COL11A2: variants seen among roughly 807,000 people sequenced by gnomAD.
COL11A2 encodes the protein collagen alpha-2(XI) chain.
In COL11A2, 116 loss-of-function variants were observed where a neutral mutation model predicts 273.4. The observed-to-expected ratio is 0.42, with a 90% CI of 0.36 to 0.49. COL11A2 has a LOEUF of 0.49. Among genes scored for constraint, COL11A2 ranks in the 20% least tolerant of loss-of-function variants. The pLI is 0.00. For missense variants in COL11A2, 1,866 were observed against 2,309.0 expected, an observed-to-expected ratio of 0.81 and a Z score of 3.93; for synonymous variants, 782 against 864.2, an observed-to-expected ratio of 0.90 and a Z score of 1.67.
chr6:33,188,438 C>T lies in COL11A2; in HGVS notation c.530G>A (p.Arg177Gln), dbSNP rs1252646206. The change falls in exon 4 of 66, where the codon CGA becomes CAA. Residue 177 changes from arginine to glutamine, a missense_variant. By Grantham distance (43) the Arg-to-Gln change is conservative. Transcript: ENST00000341947. ...CKKRVTRPLP[R>Q]SARPVLDTHG... The stretch of plus-strand genomic sequence containing the variant: ...GGTGTCCAATACTGGACGAGCACTT[C>T]GGGGGAGAGGCCGGGTGACTCGCTT... 8 of 1,612,864 alleles carry T rather than the reference C, an allele frequency of 5.0e-6. No individual in the cohort carries two copies. The highest frequency in any genetic ancestry group is 2.7e-5 in the African/African-American group (2 of 74,882).
At position 33,181,131 on chromosome 6, in the gene COL11A2, C is replaced by T; in HGVS notation, c.1159G>A (p.Glu387Lys). The T allele has an allele frequency of 6.2e-7, 1 of 1,614,186 alleles. No homozygotes were observed. The highest frequency in any genetic ancestry group is 1.3e-5 in the African/African-American group (1 of 75,044). Residue 387 changes from glutamate (E) to lysine (K), a missense_variant, in exon 9 of 66, where the codon GAG becomes AAG. Transcript: ENST00000341947. ...CTTACAGGTTCCAACACTGCAGGCT[C>T]TCCTTTCTCTCCCTTCAGCCCTCGG... Reference protein sequence around the residue: ...GPRGLKGEKGEPAVLEPGMLV... With the variant: ...GPRGLKGEKGKPAVLEPGMLV...
chr6:33,188,749 T>G (rs1278571043), intron 3 of COL11A2, among the ~76,000 whole-genome samples: 1 of 152,194 alleles, frequency 6.6e-6, no homozygotes. Context: ...AAACTGAGGC[T>G]CAAAAATTTT....
At position 33,165,072 on chromosome 6, in the gene COL11A2, A is replaced by T; in HGVS notation, c.4751-108T>A. ...TCCCAGCCCTCCCCATCATGCTCTT[A>T]GTCTCCTGGTCCTCCTCCCTCCCAG... On this transcript the variant is annotated intron_variant, in intron 63 of 65. Coordinates refer to ENST00000341947, the MANE Select transcript of COL11A2 (RefSeq NM_080680.3). This position sits in a 1 kb window ranked among gnomAD's most constrained non-coding sequence, Gnocchi z 7.7. 3.6e-6 allele frequency: 3 copies of T among 823,064 alleles called. No homozygotes were observed. The South Asian group carries it at 4.7e-5, about 13-fold the overall frequency. 51.0% of individuals were successfully genotyped at this position (823,064 alleles called of 1,614,324 possible). A position where few individuals can be genotyped will look rare whatever the true frequency, so the allele number is the denominator to read the frequency against.
Position 33,169,860 on chromosome 6 carries a change from G to C in COL11A2, c.3661C>G (p.Pro1221Ala). Residue 1221 changes from proline to alanine, a missense_variant, in exon 50 of 66, where the codon CCA becomes GCA. Coordinates refer to ENST00000341947, the MANE Select transcript of COL11A2 (RefSeq NM_080680.3). The surrounding 1 kb of genome is among the most constrained non-coding windows in gnomAD (Gnocchi z 5.5). The part of the protein sequence containing the change: ...EKGEPGESGS[P>A]GIQGEPGVKG... ...ACACCTGGCTCGCCCTGGATCCCTGGAGATCCTGACTCTCCTGGTTCCCCC... is the reference window on the plus strand; with the variant it reads ...ACACCTGGCTCGCCCTGGATCCCTGCAGATCCTGACTCTCCTGGTTCCCCC... The C allele has an allele frequency of 6.2e-7, 1 of 1,614,122 alleles. No individual in the cohort carries two copies. The highest frequency in any genetic ancestry group is 8.5e-7 in the Non-Finnish European group (1 of 1,180,016).
At chr6:33,182,349 A>G (rs542075082) in intron 8 of COL11A2, among the ~76,000 whole-genome samples, 2 of 152,330 alleles carry the variant, frequency 1.3e-5, no homozygotes, top group Admixed American at 6.5e-5. Context: ...TTATGCACAG[A>G]ATTTTATTTA....
Position 33,177,488 on chromosome 6 carries a change from A to G in COL11A2, c.1918-23T>C, listed in dbSNP as rs1205709646. The G allele has an allele frequency of 6.2e-7, 1 of 1,611,742 alleles. No homozygotes were observed. The highest frequency in any genetic ancestry group is 1.3e-5 in the African/African-American group (1 of 74,896). Reference sequence around the variant, plus strand: ...TCCCTAGAAACAGGTGACCAGGCACAGGTCAGAAGGAGATGGAGATAGAAC... The same window carrying G: ...TCCCTAGAAACAGGTGACCAGGCACGGGTCAGAAGGAGATGGAGATAGAAC... On this transcript the variant is annotated intron_variant, in intron 22 of 65. Coordinates refer to ENST00000341947, the MANE Select transcript of COL11A2 (RefSeq NM_080680.3). This position sits in a 1 kb window ranked among gnomAD's most constrained non-coding sequence, Gnocchi z 5.9.
Position 33,167,464 on chromosome 6 carries a change from G to A in COL11A2, c.4084C>T (p.Pro1362Ser). 6.2e-7 allele frequency: 1 copy of A among 1,612,880 alleles called. No individual in the cohort carries two copies. The highest frequency in any genetic ancestry group is 8.5e-7 in the Non-Finnish European group (1 of 1,180,008). ...AGCCCCCTCAGACCATCAGGGCCAG[G>A]TTTCCCTGCTGGGCCTGCAGGACCC... is the stretch of plus-strand genomic sequence containing the variant. ...PVGPAGPAGK[P>S]GPDGLRGLPG... Residue 1362 changes from proline (P) to serine (S), a missense_variant, in exon 56 of 66, where the codon CCT becomes TCT. Pro to Ser is a moderately conservative substitution (Grantham distance 74, BLOSUM62 -1). Transcript: ENST00000341947. The surrounding 1 kb of genome is among the most constrained non-coding windows in gnomAD (Gnocchi z 6.1).
rs1205576751 is a variant in COL11A2, at chr6:33,179,946, T to C, written c.1360-141A>G. Reference sequence around the variant, plus strand: ...TTCCCATGGCTTCCAGATAATCACTTAGAGGATTCCAGAAACTCAACTCCT... The same window carrying C: ...TTCCCATGGCTTCCAGATAATCACTCAGAGGATTCCAGAAACTCAACTCCT... On this transcript the variant is annotated intron_variant, in intron 12 of 65. Coordinates refer to ENST00000341947, the MANE Select transcript of COL11A2 (RefSeq NM_080680.3). The surrounding 1 kb of genome is among the most constrained non-coding windows in gnomAD (Gnocchi z 6.4). 1.2e-6 allele frequency: 1 copy of C among 819,878 alleles called. No homozygotes were observed. Among genetic ancestry groups the C allele is most frequent in the Non-Finnish European group, 2.0e-6 (1 of 490,426 alleles). The allele number at this position is 819,878 out of a possible 1,614,324, so 50.8% of individuals were successfully genotyped here. A position where few individuals can be genotyped will look rare whatever the true frequency, so the allele number is the denominator to read the frequency against.
In COL11A2 at chr6:33,164,504, G is replaced by T. The variant is rs557982599; in HGVS notation, c.4864-31C>A. 2.1e-5 allele frequency: 32 copies of T among 1,495,930 alleles called. No homozygotes were observed. The highest frequency in any genetic ancestry group is 2.3e-5 in the Non-Finnish European group (26 of 1,113,660). The allele number at this position is 1,495,930 out of a possible 1,614,324, so 92.7% of individuals were successfully genotyped here. A position where few individuals can be genotyped will look rare whatever the true frequency, so the allele number is the denominator to read the frequency against. ...AGGAGAGAGAGGGCTGGCCTCAGAGGGGGAGAGAGAGGGCTGGCCTCAGAG... is the reference window on the plus strand; with the variant it reads ...AGGAGAGAGAGGGCTGGCCTCAGAGTGGGAGAGAGAGGGCTGGCCTCAGAG... On this transcript the variant is annotated intron_variant, in intron 64 of 65. Transcript: ENST00000341947. This position sits in a 1 kb window ranked among gnomAD's most constrained non-coding sequence, Gnocchi z 4.7.
At chr6:33,184,077 C>A (rs1328249851) in intron 8 of COL11A2, 68 bp downstream of exon 8, 2 of 1,324,582 alleles carry the variant, frequency 1.5e-6, no homozygotes, top group Non-Finnish European at 2.0e-6. Flanking sequence ...AGGATCGAAA[C>A]CAACAAGAAG....
In COL11A2 at chr6:33,189,234, C is replaced by T. The variant is rs1255407529; in HGVS notation, c.233-46G>A. On this transcript the variant is annotated intron_variant, in intron 2 of 65. Coordinates refer to ENST00000341947, the MANE Select transcript of COL11A2 (RefSeq NM_080680.3). The surrounding 1 kb of genome is among the most constrained non-coding windows in gnomAD (Gnocchi z 5.6). ...ACACAGAGTGAGAGGCAAAGGGAGC[C>T]GCCACAACCCCTTTCCTCCTGGTGT... 5.0e-6 allele frequency: 8 copies of T among 1,612,374 alleles called. No individual in the cohort carries two copies. Among genetic ancestry groups the T allele is most frequent in the East Asian group, 2.2e-5 (1 of 44,816 alleles).
chr6:33,177,871 G>A lies in COL11A2; in HGVS notation c.1873-165C>T. On this transcript the variant is annotated intron_variant, in intron 21 of 65. Transcript: ENST00000341947. The surrounding 1 kb of genome is among the most constrained non-coding windows in gnomAD (Gnocchi z 5.9). ...CTGCAGTGTGTGGGACTGTGGATCTGTGGGCTTGTGGGCTTTGGTTTTGTT... is the reference window on the plus strand; with the variant it reads ...CTGCAGTGTGTGGGACTGTGGATCTATGGGCTTGTGGGCTTTGGTTTTGTT... The A allele has an allele frequency of 1.2e-6, 1 of 812,112 alleles. No individual in the cohort carries two copies. Among genetic ancestry groups the A allele is most frequent in the African/African-American group, 1.7e-5 (1 of 58,186 alleles). 50.3% of individuals were successfully genotyped at this position (812,112 alleles called of 1,614,324 possible).
chr6:33,164,574 C>T lies in COL11A2; in HGVS notation c.4864-101G>A. On this transcript the variant is annotated intron_variant, in intron 64 of 65. Coordinates refer to ENST00000341947, the MANE Select transcript of COL11A2 (RefSeq NM_080680.3). This position sits in a 1 kb window ranked among gnomAD's most constrained non-coding sequence, Gnocchi z 4.7. ...AGGAGCATCTACGGCACCAGGACAGCTGAGCCAGAGTCATGAGCAGGGAAT... is the reference window on the plus strand; with the variant it reads ...AGGAGCATCTACGGCACCAGGACAGTTGAGCCAGAGTCATGAGCAGGGAAT... The T allele has an allele frequency of 9.7e-7, 1 of 1,029,342 alleles. No individual in the cohort carries two copies. The highest frequency in any genetic ancestry group is 1.4e-6 in the Non-Finnish European group (1 of 718,096). 63.8% of individuals were successfully genotyped at this position (1,029,342 alleles called of 1,614,324 possible). A position where few individuals can be genotyped will look rare whatever the true frequency, so the allele number is the denominator to read the frequency against.
chr6:33,173,229 C>T lies in COL11A2; in HGVS notation c.2737-116G>A. On this transcript the variant is annotated intron_variant, in intron 37 of 65. Coordinates refer to ENST00000341947, the MANE Select transcript of COL11A2 (RefSeq NM_080680.3). The surrounding 1 kb of genome is among the most constrained non-coding windows in gnomAD (Gnocchi z 6.3). Reference sequence around the variant, plus strand: ...CCAAGCCCTGGGCCCTGGGTCTGAGCAGCACCAGGGCAGGCTCCACTCTGC... The same window carrying T: ...CCAAGCCCTGGGCCCTGGGTCTGAGTAGCACCAGGGCAGGCTCCACTCTGC... The T allele has an allele frequency of 6.5e-7, 1 of 1,534,130 alleles. No individual in the cohort carries two copies. The highest frequency in any genetic ancestry group is 1.2e-5 in the South Asian group (1 of 86,852).
chr6:33,169,490 C>G lies in COL11A2; in HGVS notation c.3691G>C (p.Gly1231Arg). Residue 1231 changes from glycine to arginine, a missense_variant and splice_region_variant, in exon 51 of 66, where the codon GGT (glycine) becomes CGT (arginine). Coordinates refer to ENST00000341947, the MANE Select transcript of COL11A2 (RefSeq NM_080680.3). The surrounding 1 kb of genome is among the most constrained non-coding windows in gnomAD (Gnocchi z 5.5). ...PGIQGEPGVKGPRGERGEKGE... is the reference protein window; with the variant it reads ...PGIQGEPGVKRPRGERGEKGE... ...TTCTCTCCACGTTCCCCGCGTGGAC[C>G]CTGCAGAACAAGCGGAGGACACAGA... 4 of 1,612,580 alleles carry G rather than the reference C, an allele frequency of 2.5e-6. No individual in the cohort carries two copies. Among genetic ancestry groups the G allele is most frequent in the Non-Finnish European group, 3.4e-6 (4 of 1,179,758 alleles).
chr6:33,192,193 CAG>C lies in COL11A2; in HGVS notation c.46_47del (p.Leu16GlyfsTer29). 1 of 1,566,942 alleles carries C rather than the reference CAG, an allele frequency of 6.4e-7. No individual in the cohort carries two copies. Among genetic ancestry groups the C allele is most frequent in the Non-Finnish European group, 8.7e-7 (1 of 1,155,858 alleles). On this transcript the variant is annotated frameshift_variant, in exon 1 of 66. Coordinates refer to ENST00000341947, the MANE Select transcript of COL11A2 (RefSeq NM_080680.3). LOFTEE classifies it high-confidence loss of function. ...RCHRLLLLLP[L>X]VLGLSAAPGW... ...CTGGGGCCGCGCTCAGCCCCAGCAC[CAG>C]AGGTAGGAGGAGGAGGAGGCGATGG... is the stretch of plus-strand genomic sequence containing the variant.
chr6:33,180,150 A>G (rs1771530195), intron 12 of COL11A2, 108 bp downstream of exon 12: 1 of 1,167,818 alleles, frequency 8.6e-7, no homozygotes, highest in Non-Finnish European at 1.3e-6. Flanking sequence ...ATCTTTGATG[A>G]TCTTTAGAGA....
Position 33,169,414 on chromosome 6 carries a change from G to C in COL11A2, c.3767C>G (p.Pro1256Arg). The C allele has an allele frequency of 1.2e-6, 2 of 1,612,896 alleles. No individual in the cohort carries two copies. Among genetic ancestry groups the C allele is most frequent in the Non-Finnish European group, 1.7e-6 (2 of 1,180,016 alleles). Residue 1256 changes from proline (P) to arginine (R), a missense_variant, in exon 51 of 66, where the codon CCC (proline) becomes CGC (arginine). Pro to Arg is a moderately radical substitution (Grantham distance 103, BLOSUM62 -2). Transcript: ENST00000341947. This position sits in a 1 kb window ranked among gnomAD's most constrained non-coding sequence, Gnocchi z 5.5. The stretch of plus-strand genomic sequence containing the variant: ...CCCTTTGGGGCCATCATCGCCTGTG[G>C]GGCCTTTAGGCCCTGGTGGCCCTGG... ...GEPGPPGPKG[P>R]TGDDGPKGNP...
chr6:33,166,871 A>C lies in COL11A2; in HGVS notation c.4231-44T>G. ...AGTCAAGAGAATGCAAAGAGGAGTC[A>C]TGTGGATGGGGGAGAAGGGCCAAGA... On this transcript the variant is annotated intron_variant, in intron 58 of 65. Coordinates refer to ENST00000341947, the MANE Select transcript of COL11A2 (RefSeq NM_080680.3). This position sits in a 1 kb window ranked among gnomAD's most constrained non-coding sequence, Gnocchi z 4.8. The C allele has an allele frequency of 6.3e-7, 1 of 1,598,154 alleles. No individual in the cohort carries two copies. Among genetic ancestry groups the C allele is most frequent in the Non-Finnish European group, 8.5e-7 (1 of 1,169,864 alleles).
Sources: allele counts gnomAD v4.1 joint callset (sites outside exome capture counted in the v4.1 genomes callset), GRCh38; gene constraint gnomAD v4.1.1; non-coding constraint Gnocchi (gnomAD v3.1); transcripts MANE v1.5; gene names NCBI Gene and HGNC (gene_info 2026-07-23, HGNC 2026-07-21).